Variants in ATRN observed in about 807,000 individuals in gnomAD.
ATRN encodes attractin.
A neutral mutation model predicts 178.7 loss-of-function variants in ATRN; 54 were observed. The observed-to-expected ratio is 0.30, with a 90% CI of 0.24 to 0.38. The LOEUF (loss-of-function observed/expected upper bound fraction) is 0.38. Among genes scored for constraint, ATRN ranks in the 10% least tolerant of loss-of-function variants. ATRN has a pLI of 1.00. For missense variants in ATRN, 1,443 were observed against 1,815.1 expected (o/e 0.79, Z 3.73); for synonymous variants, 636 against 663.0 (o/e 0.96, Z 0.63).
intron 18 of ATRN, among the ~76,000 whole-genome samples, chr20:3,589,956 CTTTT>C (rs960152472): frequency 6.6e-6 from 1 of 152,098 alleles, no homozygotes; most frequent in Non-Finnish European, 1.5e-5. Context: ...TGCTTGCTTG[CTTTT>C]ATTTTTGAGA....
At chr20:3,590,572 G>A (rs1460032238) in intron 18 of ATRN, among the ~76,000 whole-genome samples, 2 of 152,100 alleles carry the variant, frequency 1.3e-5, no homozygotes, top group Non-Finnish European at 2.9e-5. Context: ...ATGTTTATCC[G>A]TAAAGATGGT....
At chr20:3,619,347 G>A (rs1281155658) in intron 24 of ATRN, among the ~76,000 whole-genome samples, 1 of 152,204 alleles carries the variant, frequency 6.6e-6, no homozygotes, top group Non-Finnish European at 1.5e-5. Context: ...GCACCACGGT[G>A]TCTTACCTTC....
At chr20:3,479,341 A>G (rs2084584403) in intron 1 of ATRN, among the ~76,000 whole-genome samples, 1 of 152,198 alleles carries the variant, frequency 6.6e-6, no homozygotes, top group Admixed American at 6.5e-5. Context: ...TATAACTATG[A>G]AGGGAAGACA....
chr20:3,506,573 G>C (rs1307633658), intron 1 of ATRN, among the ~76,000 whole-genome samples: 1 of 151,008 alleles, frequency 6.6e-6, no homozygotes, highest in Non-Finnish European at 1.5e-5. Context: ...GCAGTGAGTT[G>C]AGATCATTGC....
rs868108296 is a variant in ATRN, at chr20:3,644,609, C to T, written c.4165+341C>T. 2.0e-5 allele frequency among the ~76,000 whole-genome samples: 3 copies of T among 152,236 alleles called. No individual in the cohort carries two copies. In the South Asian group the frequency reaches 6.2e-4, roughly 32 times the overall value. On this transcript the variant is annotated intron_variant, in intron 28 of 28. Coordinates refer to ENST00000262919, the MANE Select transcript of ATRN (RefSeq NM_139321.3). ...GCTGCTCTTTCCCTGTCTCTTTTGC[C>T]CTGTCCTGCCCCTGAATCTGGGTGT...
At chr20:3,569,916 C>G (rs1207642157) in intron 11 of ATRN, among the ~76,000 whole-genome samples, 3 of 151,920 alleles carry the variant, frequency 2.0e-5, no homozygotes, top group Non-Finnish European at 4.4e-5. Flanking sequence ...ACTAGAAATA[C>G]AAAAATTAGC....
Position 3,588,728 on chromosome 20 carries a change from A to G in ATRN, c.3185-2441A>G, listed in dbSNP as rs531075013. On this transcript the variant is annotated intron_variant, in intron 18 of 28. Transcript: ENST00000262919. ...AGTTGGAACGTATTCCTCCTCCTCT[A>G]TTTACTGGAAGAGTTCGTCAAGGAT... is the stretch of plus-strand genomic sequence containing the variant. Among the ~76,000 whole-genome samples the G allele has an allele frequency of 9.2e-5, 14 of 152,210 alleles. No individual in the cohort carries two copies. The East Asian group carries it at 1.2e-3, about 13-fold the overall frequency.
intron 1 of ATRN, among the ~76,000 whole-genome samples, chr20:3,493,200 T>C (rs1448032637): frequency 6.6e-6 from 1 of 151,040 alleles, no homozygotes; most frequent in Non-Finnish European, 1.5e-5. Context: ...GCCACCAGGC[T>C]GGAGTGCAGT....
At position 3,632,968 on chromosome 20, in the gene ATRN, A is replaced by G. The variant is rs758173231; in HGVS notation, c.3864-1343A>G. Among the ~76,000 whole-genome samples the G allele has an allele frequency of 2.0e-5, 3 of 152,204 alleles. No individual in the cohort carries two copies. Among genetic ancestry groups the G allele is most frequent in the Non-Finnish European group, 4.4e-5 (3 of 68,042 alleles). On this transcript the variant is annotated intron_variant, in intron 25 of 28. Transcript: ENST00000262919. The surrounding 1 kb of genome is among the most constrained non-coding windows in gnomAD (Gnocchi z 4.2). ...AACGTGGTGAAACCTCGTCTCCACT[A>G]AAAATACAAAAATTAGCTGGGTGTG...
At chr20:3,490,082 G>A in intron 1 of ATRN, 1 of 1,299,804 alleles carries the variant, frequency 7.7e-7, no homozygotes, top group Non-Finnish European at 1.1e-6. Context: ...TTCTCTCAAT[G>A]TCTCGCTTGG....
chr20:3,634,147 C>T (rs1382271259), intron 25 of ATRN, among the ~76,000 whole-genome samples, 164 bp from the exon 26 acceptor site: 4 of 152,210 alleles, frequency 2.6e-5, no homozygotes, highest in Non-Finnish European at 5.9e-5. Flanking sequence ...GAAGTTGTCT[C>T]ACTCATTACC....
intron 13 of ATRN, 104 bp downstream of exon 13, chr20:3,576,052 A>G (rs2086205514): frequency 7.8e-7 from 1 of 1,287,166 alleles, no homozygotes; most frequent in East Asian, 2.7e-5. Context: ...TACTTTTCAA[A>G]TGGGTTTCTA....
At chr20:3,509,934 A>G (rs1600054993) in intron 1 of ATRN, among the ~76,000 whole-genome samples, 1 of 151,856 alleles carries the variant, frequency 6.6e-6, no homozygotes, top group South Asian at 2.1e-4. Flanking sequence ...ATCATTCCTC[A>G]CCCCTCCCTC....
At chr20:3,593,940 G>C (rs1053204978) in intron 19 of ATRN, among the ~76,000 whole-genome samples, 1 of 152,182 alleles carries the variant, frequency 6.6e-6, no homozygotes, top group African/African-American at 2.4e-5. Context: ...AAAAGGTGAA[G>C]CAAGGGTGGC....
At chr20:3,628,898 A>C in intron 25 of ATRN, 1 of 984,960 alleles carries the variant, frequency 1.0e-6, no homozygotes, top group African/African-American at 1.7e-5. Context: ...ATTTTTTCCC[A>C]GACCTTGACC....
chr20:3,583,291 A>C (rs1342141724), intron 16 of ATRN, among the ~76,000 whole-genome samples: 1 of 152,190 alleles, frequency 6.6e-6, no homozygotes, highest in African/African-American at 2.4e-5. Context: ...AAAACCCCTA[A>C]AGTTCATCCT....
At position 3,596,388 on chromosome 20, in the gene ATRN, A is replaced by G. The variant is rs1299694163; in HGVS notation, c.3428A>G (p.Glu1143Gly). The change falls in exon 21 of 29, where the codon GAA becomes GGA. Residue 1143 changes from glutamate to glycine, a missense_variant. By Grantham distance (98) the Glu-to-Gly change is moderately conservative (BLOSUM62 -2). This residue lies in a region of ATRN where 289 missense variants were observed against 440.8 expected (regional missense o/e 0.66). Coordinates refer to ENST00000262919, the MANE Select transcript of ATRN (RefSeq NM_139321.3). ...TTTTTCCCCCCCAGATGTGAGGTAG[A>G]AAATCGATACCAAGGAAACCCTCTC... ...KGDECQLCEV[E>G]NRYQGNPLRG... 6.2e-7 allele frequency: 1 copy of G among 1,613,712 alleles called. No individual in the cohort carries two copies. The highest frequency in any genetic ancestry group is 8.5e-7 in the Non-Finnish European group (1 of 1,179,630).
chr20:3,525,444 G>C (rs2085350858), intron 1 of ATRN, among the ~76,000 whole-genome samples: 1 of 152,148 alleles, frequency 6.6e-6, no homozygotes, highest in Non-Finnish European at 1.5e-5. Flanking sequence ...GGCCCAGACA[G>C]ATTCACAGCC....
chr20:3,567,124 A>G (rs961667898), intron 11 of ATRN, among the ~76,000 whole-genome samples: 20 of 152,276 alleles, frequency 1.3e-4, no homozygotes, highest in Admixed American at 6.5e-5. Context: ...GCTAATTTGA[A>G]GTGTTATTAT....
Sources: allele counts gnomAD v4.1 joint callset (sites outside exome capture counted in the v4.1 genomes callset), GRCh38; gene constraint gnomAD v4.1.1; regional missense constraint gnomAD v4.1.1; non-coding constraint Gnocchi (gnomAD v3.1); transcripts MANE v1.5; gene names NCBI Gene and HGNC (gene_info 2026-07-23, HGNC 2026-07-21).